The following MYOCD variants were observed in gnomAD, a reference collection of about 807,000 sequenced individuals.
The protein encoded by MYOCD is myocardin.
In MYOCD, 32 loss-of-function variants were observed where a neutral mutation model predicts 96.1. The observed-to-expected ratio is 0.33, with a 90% CI of 0.25 to 0.45. The LOEUF is 0.45. Ranked by LOEUF, MYOCD falls within the 20% of genes least tolerant of loss-of-function variation. The pLI, the probability that MYOCD is intolerant of heterozygous loss-of-function variation, is 1.00. For missense variants in MYOCD, 1,133 were observed against 1,200.6 expected (o/e 0.94, Z 0.83); for synonymous variants, 469 against 469.0 (o/e 1.00, Z 0.00).
At position 12,745,286 on chromosome 17, in the gene MYOCD, C is replaced by T. The variant is rs982764764; in HGVS notation, c.972-633C>T. 3.3e-5 allele frequency among the ~76,000 whole-genome samples: 5 copies of T among 151,978 alleles called. No individual in the cohort carries two copies. In the South Asian group the frequency reaches 6.2e-4, roughly 19 times the overall value. ...GTGCAATGGCGCGATCTTGGCTCAC[C>T]GCAACCTCCGCCTCCCAGGTTCAAG... On this transcript the variant is annotated intron_variant, in intron 8 of 13. Transcript: ENST00000425538.
In MYOCD at chr17:12,722,876, G is replaced by A. The variant is rs373386419; in HGVS notation, c.283G>A (p.Ala95Thr). ...ASTAERSIPT[A>T]QMKLKRARLA... ...CACTGCAGAGAGGTCCATTCCAACT[G>A]CTCAGATGAAGCTGAAAAGAGCCCG... The change falls in exon 5 of 14, where the codon GCT (alanine) becomes ACT (threonine). Residue 95 changes from alanine to threonine, a missense_variant. Coordinates refer to ENST00000425538, the MANE Select transcript of MYOCD (RefSeq NM_001146312.3). The A allele has an allele frequency of 6.2e-6, 10 of 1,613,680 alleles. No homozygotes were observed. In the East Asian group the frequency reaches 1.6e-4, roughly 25 times the overall value.
In MYOCD at chr17:12,742,530, T is replaced by C. The variant is rs114950368; in HGVS notation, c.718-1653T>C. ...AGCTCACTCGTGGTCATGACATCCGTGTTCTTCATTTCAACCTTCTGTAAT... is the reference window on the plus strand; with the variant it reads ...AGCTCACTCGTGGTCATGACATCCGCGTTCTTCATTTCAACCTTCTGTAAT... On this transcript the variant is annotated intron_variant, in intron 7 of 13. Coordinates refer to ENST00000425538, the MANE Select transcript of MYOCD (RefSeq NM_001146312.3). Among the ~76,000 whole-genome samples, 934 of 152,116 alleles carry C rather than the reference T, an allele frequency of 6.1e-3. 3 individuals are homozygous for C. Among genetic ancestry groups the C allele is most frequent in the African/African-American group, 0.021 (890 of 41,476 alleles).
chr17:12,726,245 A>G (rs1340622801), intron 5 of MYOCD, among the ~76,000 whole-genome samples: 2 of 152,188 alleles, frequency 1.3e-5, no homozygotes, highest in Non-Finnish European at 2.9e-5. Context: ...AAGGGAGCAG[A>G]TAATAAATAC....
intron 1 of MYOCD, among the ~76,000 whole-genome samples, chr17:12,695,870 AC>A (rs1336234971): frequency 7.0e-6 from 1 of 142,002 alleles, no homozygotes; most frequent in Non-Finnish European, 1.5e-5. Context: ...AGCCCCTGGA[AC>A]CCCCCTCCTA....
At chr17:12,758,319 T>C (rs2033071361) in intron 12 of MYOCD, 106 bp downstream of exon 12, 1 of 1,531,724 alleles carries the variant, frequency 6.5e-7, no homozygotes, top group African/African-American at 1.4e-5. Flanking sequence ...ATATTGAGTG[T>C]GTCATGTGCC....
rs1017864062 is a variant in MYOCD, at chr17:12,768,563, G to A, written c.*4919G>A. On this transcript the variant is annotated 3_prime_UTR_variant, in exon 14 of 14. Transcript: ENST00000425538. ...AGCTCCTGTGTGTTCATGGAAAAGGGGAGTATAATGATGGGGATGCTGGAA... is the reference window on the plus strand; with the variant it reads ...AGCTCCTGTGTGTTCATGGAAAAGGAGAGTATAATGATGGGGATGCTGGAA... 4 of 152,108 alleles carry A rather than the reference G, an allele frequency of 2.6e-5. No homozygotes were observed. Among genetic ancestry groups the A allele is most frequent in the Non-Finnish European group, 5.9e-5 (4 of 68,020 alleles). The allele number at this position is 152,108 out of a possible 1,614,324, so 9.4% of individuals were successfully genotyped here. A position where few individuals can be genotyped will look rare whatever the true frequency, so the allele number is the denominator to read the frequency against.
At chr17:12,704,792 C>T (rs2031222599) in intron 1 of MYOCD, 1 of 204,980 alleles carries the variant, frequency 4.9e-6, no homozygotes, top group Non-Finnish European at 9.8e-6. Context: ...CTTTTGATAT[C>T]ACTGGTTGCC....
chr17:12,688,291 G>A (rs1354561302), intron 1 of MYOCD, among the ~76,000 whole-genome samples: 1 of 152,200 alleles, frequency 6.6e-6, no homozygotes, highest in Non-Finnish European at 1.5e-5. Context: ...GCTTATTAGA[G>A]CAGAACAGAT....
chr17:12,744,321 T>C lies in MYOCD; in HGVS notation c.856T>C (p.Tyr286His). ...EKSPPPMDSA[Y>H]ARLLQQQQLF... ...GTCCCCTCCACCTATGGACTCAGCC[T>C]ACGCTCGGCTGCTCCAGCAACAGCA... The change falls in exon 8 of 14, where the codon TAC becomes CAC. Residue 286 changes from tyrosine (Y) to histidine (H), a missense_variant. Physicochemically the swap from Tyr to His is moderately conservative, Grantham distance 83. Transcript: ENST00000425538. 6.2e-7 allele frequency: 1 copy of C among 1,614,210 alleles called. No individual in the cohort carries two copies. Among genetic ancestry groups the C allele is most frequent in the Non-Finnish European group, 8.5e-7 (1 of 1,180,038 alleles).
At chr17:12,746,768 A>T (rs2032677520) in intron 9 of MYOCD, among the ~76,000 whole-genome samples, 1 of 124,452 alleles carries the variant, frequency 8.0e-6, no homozygotes, top group African/African-American at 3.0e-5. Flanking sequence ...TTGCTCTGTC[A>T]TCCAGGCTGG....
intron 1 of MYOCD, among the ~76,000 whole-genome samples, chr17:12,684,288 GTCC>G (rs1208430139): frequency 1.3e-5 from 2 of 152,098 alleles, no homozygotes; most frequent in Non-Finnish European, 2.9e-5. Flanking sequence ...CATCAGATGA[GTCC>G]TCCTAAAATG....
At chr17:12,736,362 A>C (rs768727256) in intron 6 of MYOCD, 26 bp downstream of exon 6, 183 of 1,608,794 alleles carry the variant, frequency 1.1e-4, no homozygotes, top group Middle Eastern at 3.3e-4. Flanking sequence ...AACAAACGAA[A>C]AAAGTAAAAC....
Position 12,753,067 on chromosome 17 carries a change from C to T in MYOCD, c.1779C>T (p.Ser593=), listed in dbSNP as rs772869801. The change falls in exon 10 of 14, where the codon AGC becomes AGT. Residue 593 remains serine (S), a synonymous_variant. Coordinates refer to ENST00000425538, the MANE Select transcript of MYOCD (RefSeq NM_001146312.3). ...TACCTGTGAAAAGACAAAGCAGCAG[C>T]TCAGAGTGTCACCCACCGGCTTGTG... is the stretch of plus-strand genomic sequence containing the variant. ...SQVPVKRQSS[S]SECHPPACEA... is the part of the protein sequence containing the mutation. The T allele has an allele frequency of 4.3e-6, 7 of 1,614,088 alleles. No individual in the cohort carries two copies. In the East Asian group the frequency reaches 1.6e-4, roughly 36 times the overall value.
chr17:12,766,250 G>A lies in MYOCD; in HGVS notation c.*2606G>A, dbSNP rs1014419513. On this transcript the variant is annotated 3_prime_UTR_variant, in exon 14 of 14. Coordinates refer to ENST00000425538, the MANE Select transcript of MYOCD (RefSeq NM_001146312.3). Reference sequence around the variant, plus strand: ...TGAGTGTTAATTATTTTTTCCTTGGGTATTTCTATCTGAGAGACTAGACCT... The same window carrying A: ...TGAGTGTTAATTATTTTTTCCTTGGATATTTCTATCTGAGAGACTAGACCT... 2.6e-5 allele frequency: 4 copies of A among 152,114 alleles called. No homozygotes were observed. Among genetic ancestry groups the A allele is most frequent in the African/African-American group, 4.8e-5 (2 of 41,404 alleles). 9.4% of individuals were successfully genotyped at this position (152,114 alleles called of 1,614,324 possible).
chr17:12,738,310 G>A (rs544588171), intron 6 of MYOCD, among the ~76,000 whole-genome samples: 1 of 152,280 alleles, frequency 6.6e-6, no homozygotes, highest in South Asian at 2.1e-4. Flanking sequence ...ACCCCCCATG[G>A]AGAGATCATG....
Position 12,752,794 on chromosome 17 carries a change from T to C in MYOCD, c.1506T>C (p.Asn502=), listed in dbSNP as rs12453883. 0.018 allele frequency: 28,933 copies of C among 1,613,798 alleles called. 1,288 individuals carry two copies. The East Asian group carries it at 0.18, about 10-fold the overall frequency. ...AGGAAAGTCTCATGAGCAGCCTGAA[T>C]GGGGGCTCTGTTCCTTCTGAGCTGG... The part of the protein sequence containing the change: ...CTEESLMSSL[N]GGSVPSELDG... The change falls in exon 10 of 14, where the codon AAT becomes AAC. Residue 502 remains asparagine (N), a synonymous_variant. Coordinates refer to ENST00000425538, the MANE Select transcript of MYOCD (RefSeq NM_001146312.3).
chr17:12,743,316 G>C (rs1423125183), intron 7 of MYOCD, among the ~76,000 whole-genome samples: 1 of 152,024 alleles, frequency 6.6e-6, no homozygotes, highest in African/African-American at 2.4e-5. Context: ...AGGCGAGAGG[G>C]TGTTCAGCAG....
intron 2 of MYOCD, among the ~76,000 whole-genome samples, chr17:12,715,063 C>T (rs75689683): frequency 2.0e-5 from 3 of 152,004 alleles, no homozygotes; most frequent in Non-Finnish European, 2.9e-5. Context: ...TCCAGAGTAC[C>T]GTCCCTTCCT....
At chr17:12,686,979 A>T (rs2030154477) in intron 1 of MYOCD, among the ~76,000 whole-genome samples, 2 of 152,206 alleles carry the variant, frequency 1.3e-5, no homozygotes. Context: ...TTGCTCCTGA[A>T]TAAAATCGTT....
Sources: gnomAD v4.1 joint callset for allele counts (sites outside exome capture counted in the v4.1 genomes callset) on GRCh38, gnomAD v4.1.1 for gene constraint, MANE v1.5 for transcripts, NCBI Gene and HGNC (gene_info 2026-07-23, HGNC 2026-07-21) for gene names.